Variants in SRGAP2 observed in about 807,000 individuals in gnomAD.
SRGAP2 encodes SLIT-ROBO Rho GTPase activating protein 2.
Under a neutral mutation model 57.2 loss-of-function variants are expected in SRGAP2, and 15 were observed. That is an observed-to-expected ratio of 0.26 (90% CI 0.18 to 0.40). The LOEUF (loss-of-function observed/expected upper bound fraction) is 0.40. Ranked by LOEUF, SRGAP2 falls within the 10% of genes least tolerant of loss-of-function variation. The pLI is 1.00. For synonymous variants in SRGAP2, 249 were observed against 248.0 expected, an observed-to-expected ratio of 1.00 and a Z score of -0.04; for missense variants, 520 against 669.6, an observed-to-expected ratio of 0.78 and a Z score of 2.47.
At position 206,359,648 on chromosome 1, in the gene SRGAP2, G is replaced by A. The variant is rs1388963839; in HGVS notation, c.423+16640G>A. On this transcript the variant is annotated intron_variant, in intron 4 of 22. Coordinates refer to ENST00000573034, the MANE Select transcript of SRGAP2 (RefSeq NM_015326.5). Reference sequence around the variant, plus strand: ...GTTCCAGGCACTGTGCTAGGCACTGGAATATAGCAGATAACAAAAAGTTCT... The same window carrying A: ...GTTCCAGGCACTGTGCTAGGCACTGAAATATAGCAGATAACAAAAAGTTCT... Among the ~76,000 whole-genome samples, 7 of 106,888 alleles carry A rather than the reference G, an allele frequency of 6.5e-5. No individual in the cohort carries two copies. The East Asian group carries it at 1.7e-3, about 26-fold the overall frequency. The allele number at this position is 106,888 out of a possible 152,430, so 70.1% of individuals were successfully genotyped here. A position where few individuals can be genotyped will look rare whatever the true frequency, so the allele number is the denominator to read the frequency against.
chr1:206,422,434 T>G (rs536683656), intron 13 of SRGAP2, among the ~76,000 whole-genome samples: 43 of 152,380 alleles, frequency 2.8e-4, no homozygotes, highest in African/African-American at 9.9e-4. Flanking sequence ...CTCTATTTCT[T>G]TCTTCCTCCT....
chr1:206,319,955 C>T (rs1290173961), intron 3 of SRGAP2, among the ~76,000 whole-genome samples: 236 of 149,580 alleles, frequency 1.6e-3, no homozygotes, highest in Non-Finnish European at 2.9e-3. Context: ...ATTACAGGTG[C>T]GCACCACCAT....
intron 3 of SRGAP2, among the ~76,000 whole-genome samples, chr1:206,313,854 A>C (rs1672851757): frequency 6.6e-6 from 1 of 151,154 alleles, no homozygotes; most frequent in Non-Finnish European, 1.5e-5. Context: ...GCAAATATAT[A>C]TCTTCTTACC....
At chr1:206,240,735 A>G (rs530782545) in intron 2 of SRGAP2, among the ~76,000 whole-genome samples, 1 of 152,306 alleles carries the variant, frequency 6.6e-6, no homozygotes, top group Non-Finnish European at 1.5e-5. Context: ...AGGCTCAGAA[A>G]TTAAGATACG....
intron 15 of SRGAP2, chr1:206,437,651 GGT>G: frequency 3.6e-6 from 1 of 274,304 alleles, no homozygotes; most frequent in Non-Finnish European, 6.9e-6. Context: ...GTCCCAGCCT[GGT>G]TTCATGATTC....
chr1:206,446,857 T>C (rs782486166), intron 18 of SRGAP2, among the ~76,000 whole-genome samples: 6 of 152,202 alleles, frequency 3.9e-5, no homozygotes, highest in Non-Finnish European at 7.3e-5. Flanking sequence ...TTCCATTCTG[T>C]GGGGCCAGGT....
chr1:206,295,313 T>C (rs1671531392), intron 2 of SRGAP2, among the ~76,000 whole-genome samples: 1 of 152,180 alleles, frequency 6.6e-6, no homozygotes. Context: ...AACCTCTGCC[T>C]CCTGGGTTCA....
At chr1:206,378,897 A>G (rs1346501020) in intron 4 of SRGAP2, among the ~76,000 whole-genome samples, 1 of 152,226 alleles carries the variant, frequency 6.6e-6, no homozygotes, top group Admixed American at 6.5e-5. Context: ...ATAGACACAT[A>G]TTATGCTGTA....
intron 2 of SRGAP2, chr1:206,206,613 CAATCAGA>C (rs1445046977): frequency 7.0e-6 from 1 of 143,578 alleles, no homozygotes; most frequent in Non-Finnish European, 1.5e-5. Context: ...GGCCTGCATA[CAATCAGA>C]GATCAGAGAA....
intron 2 of SRGAP2, among the ~76,000 whole-genome samples, chr1:206,239,606 C>T (rs1296989379): frequency 1.3e-5 from 2 of 149,706 alleles, no homozygotes; most frequent in Non-Finnish European, 3.0e-5. Flanking sequence ...TACAGGCATG[C>T]GCCACCATGC....
At chr1:206,415,819 C>T (rs1205633956) in intron 10 of SRGAP2, 70 bp from the exon 11 acceptor site, 8 of 719,766 alleles carry the variant, frequency 1.1e-5, no homozygotes, top group Non-Finnish European at 2.1e-5. Context: ...AATTGTCCAG[C>T]TGAGCATCTG....
intron 2 of SRGAP2, among the ~76,000 whole-genome samples, chr1:206,244,307 C>T (rs1286457893): frequency 1.0e-5 from 1 of 96,254 alleles, no homozygotes. Context: ...AGTCATGCTC[C>T]GTCACCCAGG....
At chr1:206,447,092 C>G (rs782498608) in intron 18 of SRGAP2, among the ~76,000 whole-genome samples, 1 of 152,170 alleles carries the variant, frequency 6.6e-6, no homozygotes, top group Non-Finnish European at 1.5e-5. Context: ...CCATGCCACC[C>G]GCCATGGTAC....
rs539642393 is a variant in SRGAP2 at position 206,397,035 on chromosome 1, A to G, written c.831+3362A>G. 6.6e-5 allele frequency among the ~76,000 whole-genome samples: 10 copies of G among 152,374 alleles called. No individual in the cohort carries two copies. The East Asian group carries it at 1.9e-3, about 29-fold the overall frequency. Reference sequence around the variant, plus strand: ...TTTGTAACCTATGTCAAGATATAGAATAAATATTTTGATAAGAGATATCTT... The same window carrying G: ...TTTGTAACCTATGTCAAGATATAGAGTAAATATTTTGATAAGAGATATCTT... On this transcript the variant is annotated intron_variant, in intron 7 of 22. Coordinates refer to ENST00000573034, the MANE Select transcript of SRGAP2 (RefSeq NM_015326.5).
chr1:206,283,271 C>T (rs1454273464), intron 2 of SRGAP2, among the ~76,000 whole-genome samples: 1 of 149,262 alleles, frequency 6.7e-6, no homozygotes, highest in Non-Finnish European at 1.5e-5. Flanking sequence ...TCTGTCTTCT[C>T]TGGTAGACTA....
At chr1:206,339,069 AG>A (rs1354936146) in intron 3 of SRGAP2, among the ~76,000 whole-genome samples, 1 of 151,978 alleles carries the variant, frequency 6.6e-6, no homozygotes, top group Non-Finnish European at 1.5e-5. Flanking sequence ...TGATTAGCAT[AG>A]ATAAGTTATT....
rs1437383722 is a variant in SRGAP2, at chr1:206,450,651, G to A, written c.2179+186G>A. On this transcript the variant is annotated intron_variant, in intron 19 of 22. Coordinates refer to ENST00000573034, the MANE Select transcript of SRGAP2 (RefSeq NM_015326.5). ...GTAGCCCACCTTCTCAAATAGAATC[G>A]CTCGTATTAAACCAGAGGTGAAGAA... Among the ~76,000 whole-genome samples, 13 of 152,070 alleles carry A rather than the reference G, an allele frequency of 8.5e-5. 1 individual carries two copies. Among genetic ancestry groups the A allele is most frequent in the African/African-American group, 2.9e-4 (12 of 41,394 alleles).
chr1:206,234,753 G>A (rs1463354734), intron 2 of SRGAP2, among the ~76,000 whole-genome samples: 1 of 151,992 alleles, frequency 6.6e-6, no homozygotes, highest in Non-Finnish European at 1.5e-5. Context: ...TCTGCAAAGA[G>A]GGACAGTCCC....
At chr1:206,206,220 A>G in intron 2 of SRGAP2, 183 bp downstream of exon 2, 1 of 536,216 alleles carries the variant, frequency 1.9e-6, no homozygotes. Context: ...GGGGCCATTG[A>G]CACTGGAAAG....
Sources: gnomAD v4.1 joint callset for allele counts (sites outside exome capture counted in the v4.1 genomes callset) on GRCh38, gnomAD v4.1.1 for gene constraint, MANE v1.5 for transcripts, NCBI Gene and HGNC (gene_info 2026-07-23, HGNC 2026-07-21) for gene names.